Variants in ZNF287 observed in about 807,000 individuals in gnomAD.
ZNF287 encodes zinc finger protein with KRAB and SCAN domains 13.
A neutral mutation model predicts 73.7 loss-of-function variants in ZNF287; 31 were observed. The observed-to-expected ratio is 0.42, with a 90% CI of 0.32 to 0.57. The LOEUF (loss-of-function observed/expected upper bound fraction) is 0.57. ZNF287 is among the 20% of genes least tolerant of loss of function. The probability of loss-of-function intolerance (pLI) is 0.13; values close to 1 mark genes in which losing one functional copy is unlikely to be tolerated. For synonymous variants in ZNF287, 301 were observed against 307.2 expected (o/e 0.98, Z 0.21); for missense variants, 641 against 909.3 (o/e 0.70, Z 3.79).
In ZNF287 at chr17:16,551,533, C is replaced by A. The variant is rs1906657024; in HGVS notation, c.*323G>T. The A allele has an allele frequency of 4.0e-6, 1 of 247,708 alleles. No individual in the cohort carries two copies. Among genetic ancestry groups the A allele is most frequent in the Admixed American group, 4.9e-5 (1 of 20,286 alleles). The allele number at this position is 247,708 out of a possible 1,614,324, so 15.3% of individuals were successfully genotyped here. A position where few individuals can be genotyped will look rare whatever the true frequency, so the allele number is the denominator to read the frequency against. The stretch of plus-strand genomic sequence containing the variant: ...TAGATTTTCGTATACATGGGTGGTC[C>A]TGGAACCAATCCCCCGAGTATACCA... On this transcript the variant is annotated 3_prime_UTR_variant, in exon 6 of 6. Coordinates refer to ENST00000395825, the MANE Select transcript of ZNF287 (RefSeq NM_020653.4).
Position 16,552,792 on chromosome 17 carries a change from T to C in ZNF287, c.1350A>G (p.Lys450=), listed in dbSNP as rs1168112998. 2 of 1,613,984 alleles carry C rather than the reference T, an allele frequency of 1.2e-6. No individual in the cohort carries two copies. Among genetic ancestry groups the C allele is most frequent in the Non-Finnish European group, 8.5e-7 (1 of 1,179,966 alleles). ...TIHQRIHTGE[K]PYKCDDCGKD... ...TCCCACAGTCATCACACTTATAGGG[T>C]TTCTCTCCAGTATGAATTCTCTGAT... Residue 450 remains lysine, a synonymous_variant, in exon 6 of 6, where the codon AAA becomes AAG. Coordinates refer to ENST00000395825, the MANE Select transcript of ZNF287 (RefSeq NM_020653.4). The surrounding 1 kb of genome is among the most constrained non-coding windows in gnomAD (Gnocchi z 6.5).
chr17:16,560,845 T>C (rs549448526), intron 5 of ZNF287, among the ~76,000 whole-genome samples: 67 of 149,620 alleles, frequency 4.5e-4, no homozygotes, highest in African/African-American at 1.6e-3. Context: ...CTACTAAAAA[T>C]ACAAAAAATT....
At position 16,548,126 on chromosome 17, in the gene ZNF287, A is replaced by G. The variant is rs1906386893; in HGVS notation, c.*3730T>C. 1.3e-5 allele frequency among the ~76,000 whole-genome samples: 2 copies of G among 152,254 alleles called. No individual in the cohort carries two copies. The highest frequency in any genetic ancestry group is 2.4e-5 in the African/African-American group (1 of 41,464). ...CAAACATTGATGAGACAATGGATTC[A>G]GGCAACGATCACCGTTGGTTACTTT... On this transcript the variant is annotated 3_prime_UTR_variant, in exon 6 of 6. Coordinates refer to ENST00000395825, the MANE Select transcript of ZNF287 (RefSeq NM_020653.4).
At chr17:16,556,687 A>C (rs1023327308) in intron 5 of ZNF287, among the ~76,000 whole-genome samples, 2 of 152,206 alleles carry the variant, frequency 1.3e-5, no homozygotes, top group Non-Finnish European at 2.9e-5. Flanking sequence ...TATATACACA[A>C]AAAAGAGATG....
At chr17:16,563,300 C>T in intron 4 of ZNF287, 68 bp from the exon 5 acceptor site, 2 of 1,153,782 alleles carry the variant, frequency 1.7e-6, no homozygotes, top group Middle Eastern at 2.7e-4. Context: ...TATTACCAGA[C>T]TTCTACCTAT....
In ZNF287 at chr17:16,563,243, G is replaced by A. The variant is rs2142497199; in HGVS notation, c.629-11C>T. On this transcript the variant is annotated splice_polypyrimidine_tract_variant and intron_variant, in intron 4 of 5. Coordinates refer to ENST00000395825, the MANE Select transcript of ZNF287 (RefSeq NM_020653.4). ...TGTACACTGTAAGTCCTGTTCAGGA[G>A]GAATATAAAGAATTTTATCCTGGAG... 2.5e-6 allele frequency: 4 copies of A among 1,584,710 alleles called. No homozygotes were observed. The highest frequency in any genetic ancestry group is 2.2e-5 in the East Asian group (1 of 44,664).
Position 16,550,893 on chromosome 17 carries a change from C to G in ZNF287, c.*963G>C, listed in dbSNP as rs1239675026. 6.6e-6 allele frequency among the ~76,000 whole-genome samples: 1 copy of G among 152,132 alleles called. No individual in the cohort carries two copies. The highest frequency in any genetic ancestry group is 2.4e-5 in the African/African-American group (1 of 41,428). On this transcript the variant is annotated 3_prime_UTR_variant, in exon 6 of 6. Transcript: ENST00000395825. ...TCAGGATGACCTTGAATGTCAAAAC[C>G]TAGTGAAATCAAGGCTAATGTGTAT... is the stretch of plus-strand genomic sequence containing the variant.
rs886847073 is a variant in ZNF287 at position 16,563,018 on chromosome 17, T to C, written c.715+128A>G. On this transcript the variant is annotated intron_variant, in intron 5 of 5. Transcript: ENST00000395825. ...CTGTAAGGAAGCAATGCCAAACAGC[T>C]CAGTGTTCTTCACAGGCTAGAATGC... 6 of 668,806 alleles carry C rather than the reference T, an allele frequency of 9.0e-6. No individual in the cohort carries two copies. In the African/African-American group the frequency reaches 1.1e-4, roughly 12 times the overall value. The allele number at this position is 668,806 out of a possible 1,614,324, so 41.4% of individuals were successfully genotyped here.
At chr17:16,563,856 C>A (rs1430029304) in intron 3 of ZNF287, 31 bp from the exon 4 acceptor site, 2 of 1,606,594 alleles carry the variant, frequency 1.2e-6, no homozygotes, top group South Asian at 1.1e-5. Context: ...TAACTCAGTT[C>A]AAGAACTAAT....
At chr17:16,562,127 C>T (rs1252781229) in intron 5 of ZNF287, among the ~76,000 whole-genome samples, 1 of 151,988 alleles carries the variant, frequency 6.6e-6, no homozygotes, top group African/African-American at 2.4e-5. Flanking sequence ...TGTAATGTGC[C>T]TGTGTAGGTT....
chr17:16,557,749 G>A (rs1380435596), intron 5 of ZNF287, among the ~76,000 whole-genome samples: 3 of 152,110 alleles, frequency 2.0e-5, no homozygotes, highest in Non-Finnish European at 4.4e-5. Flanking sequence ...ACAAAGGCTG[G>A]GGCCCAGCCA....
chr17:16,552,752 G>T lies in ZNF287; in HGVS notation c.1390C>A (p.Arg464Ser). The T allele has an allele frequency of 6.2e-7, 1 of 1,613,850 alleles. No individual in the cohort carries two copies. The highest frequency in any genetic ancestry group is 8.5e-7 in the Non-Finnish European group (1 of 1,179,932). Residue 464 changes from arginine to serine, a missense_variant, in exon 6 of 6, where the codon CGT becomes AGT. Physicochemically the swap from Arg to Ser is moderately radical, Grantham distance 110. Coordinates refer to ENST00000395825, the MANE Select transcript of ZNF287 (RefSeq NM_020653.4). The surrounding 1 kb of genome is among the most constrained non-coding windows in gnomAD (Gnocchi z 6.5). ...CTTTGATGGATGGTAAGGTGTGCAC[G>T]CTGACTGAAGTCTTTCCCACAGTCA... is the stretch of plus-strand genomic sequence containing the variant. ...CDDCGKDFSQRAHLTIHQRTH... is the reference protein window; with the variant it reads ...CDDCGKDFSQSAHLTIHQRTH...
intron 3 of ZNF287, among the ~76,000 whole-genome samples, chr17:16,566,236 G>A (rs188125785): frequency 7.9e-4 from 120 of 152,168 alleles, no homozygotes; most frequent in African/African-American, 2.6e-3. Flanking sequence ...TGGTAGAGCC[G>A]GGAAACAAAA....
rs1197335883 is a variant in ZNF287, at chr17:16,548,624, C to G, written c.*3232G>C. Among the ~76,000 whole-genome samples the G allele has an allele frequency of 6.6e-6, 1 of 152,090 alleles. No homozygotes were observed. The highest frequency in any genetic ancestry group is 1.5e-5 in the Non-Finnish European group (1 of 68,014). On this transcript the variant is annotated 3_prime_UTR_variant, in exon 6 of 6. Transcript: ENST00000395825. The stretch of plus-strand genomic sequence containing the variant: ...AAGCCTGGCTAACACAGTGAAACCC[C>G]ATCTCTACTAAAAAAATACAAAGAA...
In ZNF287 at chr17:16,547,415, C is replaced by G. The variant is rs1424962828; in HGVS notation, c.*4441G>C. On this transcript the variant is annotated 3_prime_UTR_variant, in exon 6 of 6. Coordinates refer to ENST00000395825, the MANE Select transcript of ZNF287 (RefSeq NM_020653.4). ...ATTTCCTGATGGCATTGTCACAGGC[C>G]TTTTGCAGCTAATTTGCTGCTTTCT... 6.6e-6 allele frequency among the ~76,000 whole-genome samples: 1 copy of G among 152,132 alleles called. No homozygotes were observed. Among genetic ancestry groups the G allele is most frequent in the Non-Finnish European group, 1.5e-5 (1 of 68,018 alleles).
In ZNF287 at chr17:16,552,592, A is replaced by G; in HGVS notation, c.1550T>C (p.Phe517Ser). ...PYICNECGKT[F>S]SQSTHLLQHQ... Reference sequence around the variant, plus strand: ...CTGAAGAAGGTGTGTACTCTGACTGAAAGTCTTCCCACATTCATTGCATAT... The same window carrying G: ...CTGAAGAAGGTGTGTACTCTGACTGGAAGTCTTCCCACATTCATTGCATAT... The change falls in exon 6 of 6, where the codon TTC becomes TCC. Residue 517 changes from phenylalanine to serine, a missense_variant. Coordinates refer to ENST00000395825, the MANE Select transcript of ZNF287 (RefSeq NM_020653.4). This position sits in a 1 kb window ranked among gnomAD's most constrained non-coding sequence, Gnocchi z 6.5. The G allele has an allele frequency of 1.2e-6, 2 of 1,614,098 alleles. No homozygotes were observed. The highest frequency in any genetic ancestry group is 1.7e-6 in the Non-Finnish European group (2 of 1,179,998).
chr17:16,553,346 A>G lies in ZNF287; in HGVS notation c.796T>C (p.Leu266=). The G allele has an allele frequency of 6.2e-7, 1 of 1,612,908 alleles. No homozygotes were observed. The highest frequency in any genetic ancestry group is 8.5e-7 in the Non-Finnish European group (1 of 1,179,394). ...LTKEETHTIK[L]EDSYDYDDRL... is the part of the protein sequence containing the mutation. ...TCATCGTAGTCATATGAGTCTTCTAATTTGATGGTATGGGTTTCTTCCTTT... is the reference window on the plus strand; with the variant it reads ...TCATCGTAGTCATATGAGTCTTCTAGTTTGATGGTATGGGTTTCTTCCTTT... The change falls in exon 6 of 6, where the codon TTA becomes CTA. Residue 266 remains leucine (L), a synonymous_variant. Coordinates refer to ENST00000395825, the MANE Select transcript of ZNF287 (RefSeq NM_020653.4).
At position 16,552,357 on chromosome 17, in the gene ZNF287, A is replaced by G; in HGVS notation, c.1785T>C (p.Asn595=). ...THTGEKSYIC[N]ICGKAFSQSA... is the part of the protein sequence containing the mutation. The stretch of plus-strand genomic sequence containing the variant: ...TCTGGCTGAAGGCTTTCCCACATAT[A>G]TTACATATATAGGATTTCTCTCCAG... The change falls in exon 6 of 6, where the codon AAT becomes AAC. Residue 595 remains asparagine (N), a synonymous_variant. Transcript: ENST00000395825. This position sits in a 1 kb window ranked among gnomAD's most constrained non-coding sequence, Gnocchi z 6.5. 3 of 1,613,812 alleles carry G rather than the reference A, an allele frequency of 1.9e-6. No individual in the cohort carries two copies. Among genetic ancestry groups the G allele is most frequent in the Non-Finnish European group, 2.5e-6 (3 of 1,179,912 alleles).
rs533804515 is a variant in ZNF287 at position 16,553,102 on chromosome 17, G to T, written c.1040C>A (p.Ala347Glu). The T allele has an allele frequency of 1.2e-6, 2 of 1,614,106 alleles. No individual in the cohort carries two copies. Among genetic ancestry groups the T allele is most frequent in the East Asian group, 2.2e-5 (1 of 44,876 alleles). The change falls in exon 6 of 6, where the codon GCA (alanine) becomes GAA (glutamate). Residue 347 changes from alanine to glutamate, a missense_variant. Ala to Glu is a moderately radical substitution (Grantham distance 107). Around this residue, in one of 2 missense-constraint regions of ZNF287, gnomAD observed 357 missense variants for 442.4 expected, o/e 0.81. Transcript: ENST00000395825. ...ACCATATGAGACATGATTGAAGGTTGCCCTGCCTTCATTATACACAGAAGT... is the reference window on the plus strand; with the variant it reads ...ACCATATGAGACATGATTGAAGGTTTCCCTGCCTTCATTATACACAGAAGT... ...NKTSVYNEGR[A>E]TFNHVSYGIV...
Sources: allele counts gnomAD v4.1 joint callset (sites outside exome capture counted in the v4.1 genomes callset), GRCh38; gene constraint gnomAD v4.1.1; regional missense constraint gnomAD v4.1.1; non-coding constraint Gnocchi (gnomAD v3.1); transcripts MANE v1.5; gene names NCBI Gene and HGNC (gene_info 2026-07-23, HGNC 2026-07-21).